PPARG: variants seen among roughly 807,000 people sequenced by gnomAD.
PPARG encodes the protein peroxisome proliferator activated receptor gamma.
Under a neutral mutation model 39.2 loss-of-function variants are expected in PPARG, and 17 were observed. That is an observed-to-expected ratio of 0.43 (90% CI 0.30 to 0.65). The LOEUF is 0.65. Ranked by LOEUF, PPARG falls within the 30% of genes least tolerant of loss-of-function variation. The pLI, the probability that PPARG is intolerant of heterozygous loss-of-function variation, is 0.13. For synonymous variants in PPARG, 223 were observed against 215.7 expected, an observed-to-expected ratio of 1.03 and a Z score of -0.30; for missense variants, 406 against 585.9, an observed-to-expected ratio of 0.69 and a Z score of 3.17.
intron 2 of PPARG, among the ~76,000 whole-genome samples, chr3:12,371,402 G>A (rs2049208555): frequency 6.6e-6 from 1 of 152,130 alleles, no homozygotes; most frequent in African/African-American, 2.4e-5. Flanking sequence ...CCAAGATAAT[G>A]CTTACTTTAT....
At chr3:12,360,241 C>T (rs887127556) in intron 2 of PPARG, among the ~76,000 whole-genome samples, 5 of 152,064 alleles carry the variant, frequency 3.3e-5, no homozygotes, top group Non-Finnish European at 7.4e-5. Context: ...CGAACTCTGG[C>T]CTCAAGTGGT....
chr3:12,296,672 G>C (rs916282369), intron 1 of PPARG, among the ~76,000 whole-genome samples: 1 of 152,172 alleles, frequency 6.6e-6, no homozygotes, highest in Non-Finnish European at 1.5e-5. Flanking sequence ...CTTTTGTCAA[G>C]AGGCTAGCCG....
intron 5 of PPARG, 120 bp from the exon 6 acceptor site, chr3:12,405,762 C>T: frequency 1.0e-6 from 1 of 986,980 alleles, no homozygotes; most frequent in South Asian, 1.3e-5. Context: ...GAAACCAGGA[C>T]TCAAGAGCAG....
intron 6 of PPARG, 118 bp from the exon 7 acceptor site, chr3:12,416,586 C>A: frequency 2.1e-6 from 2 of 953,252 alleles, no homozygotes; most frequent in Non-Finnish European, 3.2e-6. Context: ...GCATCTTCAG[C>A]TTTAAAGATT....
rs1474976112 is a variant in PPARG at position 12,381,418 on chromosome 3, C to T, written c.317C>T (p.Ala106Val). The T allele has an allele frequency of 6.2e-7, 1 of 1,613,418 alleles. No homozygotes were observed. Among genetic ancestry groups the T allele is most frequent in the East Asian group, 2.2e-5 (1 of 44,828 alleles). Residue 106 changes from alanine (A) to valine (V), a missense_variant, in exon 4 of 8, where the codon GCA becomes GTA. By Grantham distance (64) the Ala-to-Val change is moderately conservative (BLOSUM62 0). Around this residue, in one of 2 missense-constraint regions of PPARG, gnomAD observed 131 missense variants for 127.9 expected, o/e 1.02. Transcript: ENST00000651735. Reference sequence around the variant, plus strand: ...GAAGAGCCTTCCAACTCCCTCATGGCAATTGAATGTCGTGTCTGTGGAGAT... The same window carrying T: ...GAAGAGCCTTCCAACTCCCTCATGGTAATTGAATGTCGTGTCTGTGGAGAT... ...PHEEPSNSLM[A>V]IECRVCGDKA...
intron 7 of PPARG, among the ~76,000 whole-genome samples, chr3:12,422,617 T>A (rs115622900): frequency 0.013 from 2,014 of 152,296 alleles, 54 homozygotes; most frequent in African/African-American, 0.046. Flanking sequence ...CAGTGGCTTA[T>A]ATCTGTAATC....
At chr3:12,343,943 C>A (rs1480239366) in intron 2 of PPARG, among the ~76,000 whole-genome samples, 1 of 148,506 alleles carries the variant, frequency 6.7e-6, no homozygotes, top group Non-Finnish European at 1.5e-5. Flanking sequence ...TCACTACAAC[C>A]TCTGCCTCCC....
At chr3:12,334,760 G>A (rs1191332104) in intron 2 of PPARG, among the ~76,000 whole-genome samples, 1 of 152,062 alleles carries the variant, frequency 6.6e-6, no homozygotes, top group Non-Finnish European at 1.5e-5. Flanking sequence ...GTCCTGCATT[G>A]TTCCAGTAGA....
chr3:12,417,877 C>CTTTTTTTTTTCTTTTTTTTTTTTTTTTT (rs2051117527), intron 7 of PPARG, among the ~76,000 whole-genome samples: 1 of 64,652 alleles, frequency 1.5e-5, no homozygotes, highest in Non-Finnish European at 3.8e-5. Flanking sequence ...TGACTTTTTT[C>CTTTTTTTTTTCTTTTTTTTTTTTTTTTT]TTTTTTTTTT....
intron 1 of PPARG, among the ~76,000 whole-genome samples, chr3:12,292,599 CAT>C (rs1374534197): frequency 6.6e-6 from 1 of 152,160 alleles, no homozygotes; most frequent in East Asian, 1.9e-4. Context: ...AGTGGAAAAA[CAT>C]ATAATTAACT....
At chr3:12,430,210 A>G (rs1034013092) in intron 7 of PPARG, among the ~76,000 whole-genome samples, 1 of 152,228 alleles carries the variant, frequency 6.6e-6, no homozygotes, top group Non-Finnish European at 1.5e-5. Context: ...TTCATTGTGT[A>G]GGGATTCTGC....
rs550297623 is a variant in PPARG at position 12,354,896 on chromosome 3, A to C, written c.-8-24808A>C. Among the ~76,000 whole-genome samples, 30 of 152,316 alleles carry C rather than the reference A, an allele frequency of 2.0e-4. No individual in the cohort carries two copies. The East Asian group carries it at 5.8e-3, about 29-fold the overall frequency. On this transcript the variant is annotated intron_variant, in intron 2 of 7. Coordinates refer to ENST00000651735, the MANE Select transcript of PPARG (RefSeq NM_138711.6). ...CGGGGCATCCGCATGATCTCCTGTGAGTGTTTTGAGAAGATGATCAAACTT... is the reference window on the plus strand; with the variant it reads ...CGGGGCATCCGCATGATCTCCTGTGCGTGTTTTGAGAAGATGATCAAACTT...
At position 12,295,963 on chromosome 3, in the gene PPARG, A is replaced by G. The variant is rs529165742; in HGVS notation, c.-83+6829A>G. Among the ~76,000 whole-genome samples, 33 of 152,228 alleles carry G rather than the reference A, an allele frequency of 2.2e-4. 1 individual carries two copies. In the South Asian group the frequency reaches 6.4e-3, roughly 30 times the overall value. On this transcript the variant is annotated intron_variant, in intron 1 of 7. Transcript: ENST00000651735. ...GTAGGCACTTAAATGTTTTAGAAAG[A>G]AGAAAGAGCTGGTCATGGTGGCACA...
intron 4 of PPARG, among the ~76,000 whole-genome samples, chr3:12,381,868 A>G (rs1317098930): frequency 6.6e-6 from 1 of 152,190 alleles, no homozygotes; most frequent in Non-Finnish European, 1.5e-5. Flanking sequence ...TCATGGCAAG[A>G]CAGTGATGAC....
chr3:12,345,390 C>T (rs916777737), intron 2 of PPARG, among the ~76,000 whole-genome samples: 5 of 152,134 alleles, frequency 3.3e-5, no homozygotes, highest in Non-Finnish European at 7.3e-5. Context: ...TAGGTAATTC[C>T]TCCACATTAA....
intron 7 of PPARG, 68 bp downstream of exon 7, chr3:12,417,222 G>A: frequency 6.6e-7 from 1 of 1,511,856 alleles, no homozygotes; most frequent in Non-Finnish European, 9.0e-7. Context: ...AAAGAATTTT[G>A]GATTTCCTTA....
intron 2 of PPARG, among the ~76,000 whole-genome samples, chr3:12,367,553 T>C (rs1264187984): frequency 6.6e-6 from 1 of 151,812 alleles, no homozygotes; most frequent in Non-Finnish European, 1.5e-5. Context: ...AATATGCTTT[T>C]GAAAATGAAC....
At chr3:12,337,185 T>C (rs958762708) in intron 2 of PPARG, among the ~76,000 whole-genome samples, 4 of 152,336 alleles carry the variant, frequency 2.6e-5, no homozygotes, top group Admixed American at 2.6e-4. Flanking sequence ...AAATATCTCA[T>C]TGTGTTACAG....
chr3:12,332,648 T>C (rs2047894602), intron 2 of PPARG, among the ~76,000 whole-genome samples: 1 of 152,192 alleles, frequency 6.6e-6, no homozygotes, highest in Non-Finnish European at 1.5e-5. Context: ...AAATAGATTG[T>C]CTTTGATTAC....
Sources: allele counts gnomAD v4.1 joint callset (sites outside exome capture counted in the v4.1 genomes callset), GRCh38; gene constraint gnomAD v4.1.1; regional missense constraint gnomAD v4.1.1; transcripts MANE v1.5; gene names NCBI Gene and HGNC (gene_info 2026-07-23, HGNC 2026-07-21).